The following ZNF239 variants were observed in gnomAD, a reference collection of about 807,000 sequenced individuals.
ZNF239 encodes the protein zinc finger protein 239, also known as zinc finger protein (C2H2) homologous to mouse MOK-2.
In ZNF239, 16 loss-of-function variants were observed where a neutral mutation model predicts 27.5. The observed-to-expected ratio is 0.58, with a 90% CI of 0.39 to 0.88. The LOEUF (loss-of-function observed/expected upper bound fraction) is 0.88, where lower values mean the gene tolerates loss of function less well. Ranked by LOEUF, ZNF239 falls within the 40% of genes least tolerant of loss-of-function variation. The pLI is 0.00. For missense variants in ZNF239, 527 were observed against 551.9 expected, an observed-to-expected ratio of 0.95 and a Z score of 0.45; for synonymous variants, 199 against 192.6, an observed-to-expected ratio of 1.03 and a Z score of -0.27.
intron 2 of ZNF239, among the ~76,000 whole-genome samples, chr10:43,569,737 T>C (rs1334528381): frequency 1.8e-4 from 28 of 152,242 alleles, no homozygotes; most frequent in Non-Finnish European, 1.5e-4. Context: ...ACTTGCTTTC[T>C]TATTTACTGT....
At chr10:43,572,589 T>C (rs775090854) in intron 2 of ZNF239, among the ~76,000 whole-genome samples, 17 of 152,258 alleles carry the variant, frequency 1.1e-4, no homozygotes, top group Non-Finnish European at 1.9e-4. Context: ...TCTGGCCTTC[T>C]GCTCTCTGAA....
chr10:43,560,243 A>G (rs905362619), intron 3 of ZNF239, among the ~76,000 whole-genome samples: 1 of 152,248 alleles, frequency 6.6e-6, no homozygotes, highest in African/African-American at 2.4e-5. Flanking sequence ...GACTGAAGAG[A>G]GAAGCAGAGG....
chr10:43,559,312 C>T (rs578144566), intron 3 of ZNF239, among the ~76,000 whole-genome samples: 6 of 152,202 alleles, frequency 3.9e-5, no homozygotes, highest in Non-Finnish European at 5.9e-5. Context: ...CTTTAGGTAG[C>T]GAGACGGCTG....
chr10:43,560,274 C>T (rs1564457911), intron 3 of ZNF239, among the ~76,000 whole-genome samples: 1 of 152,164 alleles, frequency 6.6e-6, no homozygotes, highest in Non-Finnish European at 1.5e-5. Flanking sequence ...GTTGAACGTA[C>T]ACAATGACCA....
intron 3 of ZNF239, among the ~76,000 whole-genome samples, chr10:43,566,483 G>A (rs963212848): frequency 1.3e-5 from 2 of 152,000 alleles, no homozygotes; most frequent in South Asian, 2.1e-4. Flanking sequence ...ACAGGGTTTC[G>A]CTGTGTTGCC....
intron 3 of ZNF239, among the ~76,000 whole-genome samples, chr10:43,562,392 C>T (rs1588794195): frequency 6.6e-6 from 1 of 152,300 alleles, no homozygotes; most frequent in East Asian, 1.9e-4. Context: ...TTCAGATTTT[C>T]AGGCATAATT....
At chr10:43,563,143 A>G (rs935253221) in intron 3 of ZNF239, among the ~76,000 whole-genome samples, 2 of 152,084 alleles carry the variant, frequency 1.3e-5, no homozygotes, top group Non-Finnish European at 2.9e-5. Flanking sequence ...GGTGAAACCC[A>G]GTCTCCTCTG....
At chr10:43,563,225 GAAA>G (rs1488697528) in intron 3 of ZNF239, among the ~76,000 whole-genome samples, 1 of 152,076 alleles carries the variant, frequency 6.6e-6, no homozygotes, top group Non-Finnish European at 1.5e-5. Flanking sequence ...TGAGTCAGGA[GAAA>G]TCACTTGAAC....
At chr10:43,558,429 A>T (rs1588782504) in intron 3 of ZNF239, among the ~76,000 whole-genome samples, 1 of 152,094 alleles carries the variant, frequency 6.6e-6, no homozygotes. Context: ...CCTTGCTAAC[A>T]ATAACATTTC....
At chr10:43,567,587 G>A (rs1396415642) in intron 3 of ZNF239, among the ~76,000 whole-genome samples, 1 of 152,286 alleles carries the variant, frequency 6.6e-6, no homozygotes. Flanking sequence ...AACTTGCCAT[G>A]ATGCCTGGTG....
chr10:43,558,935 A>G (rs1225846011), intron 3 of ZNF239, among the ~76,000 whole-genome samples: 1 of 152,192 alleles, frequency 6.6e-6, no homozygotes, highest in Non-Finnish European at 1.5e-5. Context: ...AGTACAAGAG[A>G]TGTATGCCTA....
chr10:43,558,940 T>C (rs1319295405), intron 3 of ZNF239, among the ~76,000 whole-genome samples: 1 of 152,092 alleles, frequency 6.6e-6, no homozygotes, highest in Admixed American at 6.6e-5. Flanking sequence ...AAGAGATGTA[T>C]GCCTAACCAG....
At position 43,557,458 on chromosome 10, in the gene ZNF239, C is replaced by T. The variant is rs752264393; in HGVS notation, c.622G>A (p.Glu208Lys). 28 of 1,614,002 alleles carry T rather than the reference C, an allele frequency of 1.7e-5. No individual in the cohort carries two copies. Among genetic ancestry groups the T allele is most frequent in the South Asian group, 8.8e-5 (8 of 91,094 alleles). Residue 208 changes from glutamate to lysine, a missense_variant, in exon 4 of 4, where the codon GAA becomes AAA. Transcript: ENST00000374446. ...AAGTTCTTACCACACTGACTACATT[C>T]GTATTGTTTCTCTGCAGTGTGGATT... ...EKIHTAEKQYECSQCGKNFSQ... is the reference protein window; with the variant it reads ...EKIHTAEKQYKCSQCGKNFSQ...
At chr10:43,572,387 T>C (rs2132312955) in intron 2 of ZNF239, among the ~76,000 whole-genome samples, 1 of 152,312 alleles carries the variant, frequency 6.6e-6, no homozygotes, top group Admixed American at 6.5e-5. Flanking sequence ...TCTAAACAGA[T>C]TTTTTCTAAG....
At chr10:43,570,371 T>G in intron 2 of ZNF239, 1 of 985,360 alleles carries the variant, frequency 1.0e-6, no homozygotes, top group Non-Finnish European at 1.2e-6. Flanking sequence ...CACCACATCC[T>G]TTAGCAAGGC....
Position 43,573,629 on chromosome 10 carries a change from C to T in ZNF239, c.-216+8G>A. The T allele has an allele frequency of 1.0e-6, 1 of 985,416 alleles. No homozygotes were observed. The highest frequency in any genetic ancestry group is 1.2e-6 in the Non-Finnish European group (1 of 829,958). The allele number at this position is 985,416 out of a possible 1,614,324, so 61.0% of individuals were successfully genotyped here. On this transcript the variant is annotated splice_region_variant and intron_variant, in intron 2 of 3. Coordinates refer to ENST00000374446, the MANE Select transcript of ZNF239 (RefSeq NM_001099282.2). ...TGGCATTTTAGGAGAAATGGAACGC[C>T]AACTCACCCGGACCCTGGTCATTTC...
intron 2 of ZNF239, among the ~76,000 whole-genome samples, chr10:43,572,571 G>T (rs1227965675): frequency 6.6e-6 from 1 of 152,154 alleles, no homozygotes. Flanking sequence ...GAAAACACGG[G>T]GTTTATTTCT....
At chr10:43,565,676 A>G (rs1010974541) in intron 3 of ZNF239, among the ~76,000 whole-genome samples, 2 of 151,836 alleles carry the variant, frequency 1.3e-5, no homozygotes, top group Non-Finnish European at 2.9e-5. Flanking sequence ...TTAGCCGGGC[A>G]TGGTGGCACG....
chr10:43,567,346 T>C (rs1011310360), intron 3 of ZNF239, among the ~76,000 whole-genome samples: 1 of 151,652 alleles, frequency 6.6e-6, no homozygotes, highest in African/African-American at 2.4e-5. Flanking sequence ...ACATGACCAA[T>C]GTTGGGGAAA....
Sources: gnomAD v4.1 joint callset for allele counts (sites outside exome capture counted in the v4.1 genomes callset) on GRCh38, gnomAD v4.1.1 for gene constraint, MANE v1.5 for transcripts, NCBI Gene and HGNC (gene_info 2026-07-23, HGNC 2026-07-21) for gene names.